RGS9: variants seen among roughly 807,000 people sequenced by gnomAD.
RGS9 encodes regulator of G-protein signalling 9.
Under a neutral mutation model 102.0 loss-of-function variants are expected in RGS9, and 78 were observed. The observed-to-expected ratio is 0.76, with a 90% CI of 0.64 to 0.92. RGS9 has a LOEUF of 0.92. Ranked by LOEUF, RGS9 falls within the 40% of genes least tolerant of loss-of-function variation. The pLI is 0.00. For missense variants in RGS9, 833 were observed against 866.1 expected (o/e 0.96, Z 0.48); for synonymous variants, 353 against 318.6 (o/e 1.11, Z -1.15).
Position 65,224,982 on chromosome 17 carries a change from T to G in RGS9, c.1408-20T>G, listed in dbSNP as rs759747088. On this transcript the variant is annotated intron_variant, in intron 17 of 18. Transcript: ENST00000262406. ...GGCCATGCAACTCACCACTGAGCTCTCTCCTTTCCTTCTCTACAGCCGGGC... is the reference window on the plus strand; with the variant it reads ...GGCCATGCAACTCACCACTGAGCTCGCTCCTTTCCTTCTCTACAGCCGGGC... 3 of 1,612,912 alleles carry G rather than the reference T, an allele frequency of 1.9e-6. No individual in the cohort carries two copies. In the Admixed American group the frequency reaches 5.0e-5, roughly 27 times the overall value.
At chr17:65,204,049 C>T (rs955071711) in intron 14 of RGS9, 114 bp from the exon 15 acceptor site, 7 of 1,274,626 alleles carry the variant, frequency 5.5e-6, no homozygotes, top group African/African-American at 1.5e-5. Context: ...AAAAAACCAC[C>T]ACCCTCACCC....
chr17:65,157,433 G>A (rs538118552), intron 2 of RGS9, among the ~76,000 whole-genome samples: 1 of 152,070 alleles, frequency 6.6e-6, no homozygotes, highest in Admixed American at 6.5e-5. Flanking sequence ...CTCTGGGCTT[G>A]TTGGTGGAAC....
At chr17:65,155,954 C>A (rs1203450351) in intron 2 of RGS9, among the ~76,000 whole-genome samples, 1 of 152,184 alleles carries the variant, frequency 6.6e-6, no homozygotes, top group Admixed American at 6.5e-5. Context: ...TGTCCTTAAG[C>A]TCATTTCATG....
intron 11 of RGS9, among the ~76,000 whole-genome samples, chr17:65,191,414 C>T (rs892136662): frequency 6.6e-6 from 1 of 151,668 alleles, no homozygotes; most frequent in Non-Finnish European, 1.5e-5. Context: ...AGCTTCTCCA[C>T]TGGTAAATGT....
At chr17:65,212,087 A>C (rs915330398) in intron 17 of RGS9, among the ~76,000 whole-genome samples, 1 of 152,230 alleles carries the variant, frequency 6.6e-6, no homozygotes, top group African/African-American at 2.4e-5. Context: ...TCCCATGCTG[A>C]AGACTGAATT....
At chr17:65,203,493 A>G (rs1912933193) in intron 14 of RGS9, among the ~76,000 whole-genome samples, 1 of 152,196 alleles carries the variant, frequency 6.6e-6, no homozygotes, top group South Asian at 2.1e-4. Flanking sequence ...TTCAATTCCA[A>G]AATTTTAATG....
At position 65,225,170 on chromosome 17, in the gene RGS9, A is replaced by G. The variant is rs1229842214; in HGVS notation, c.1576A>G (p.Ile526Val). The G allele has an allele frequency of 6.2e-7, 1 of 1,613,446 alleles. No homozygotes were observed. The highest frequency in any genetic ancestry group is 8.5e-7 in the Non-Finnish European group (1 of 1,179,966). Residue 526 changes from isoleucine (I) to valine (V), a missense_variant, in exon 18 of 19, where the codon ATC (isoleucine) becomes GTC (valine). Physicochemically the swap from Ile to Val is conservative, Grantham distance 29. Transcript: ENST00000262406. ...CAGCACCACCATCTGCCCCTCACCC[A>G]TCAGAGTGGCCTTGGAGAGCTCATC... ...RPSTTICPSP[I>V]RVALESSSGL...
Position 65,227,687 on chromosome 17 carries a change from C to G in RGS9, c.*280C>G. The G allele has an allele frequency of 2.1e-6, 1 of 468,328 alleles. No homozygotes were observed. Among genetic ancestry groups the G allele is most frequent in the African/African-American group, 2.0e-5 (1 of 50,984 alleles). 29.0% of individuals were successfully genotyped at this position (468,328 alleles called of 1,614,324 possible). A position where few individuals can be genotyped will look rare whatever the true frequency, so the allele number is the denominator to read the frequency against. ...TGCCTTAAAACCAATAAAAGGTTAA[C>G]TTTAAGTTTCTTGGAATGTTAGTGT... On this transcript the variant is annotated 3_prime_UTR_variant, in exon 19 of 19. Transcript: ENST00000262406.
At chr17:65,225,560 T>C (rs1905626875) in intron 18 of RGS9, 74 bp downstream of exon 18, 5 of 1,592,888 alleles carry the variant, frequency 3.1e-6, no homozygotes, top group Non-Finnish European at 4.3e-6. Flanking sequence ...TGAATATGCA[T>C]GCTTTGGGCT....
At chr17:65,142,907 C>CT (rs1480789534) in intron 1 of RGS9, among the ~76,000 whole-genome samples, 20 of 151,142 alleles carry the variant, frequency 1.3e-4, no homozygotes, top group Middle Eastern at 3.4e-3. Context: ...TTCTTTCTTT[C>CT]TTTTTTTTTC....
chr17:65,148,001 CAGCAGATGTCT>C (rs1199852777), intron 1 of RGS9, among the ~76,000 whole-genome samples: 2 of 152,170 alleles, frequency 1.3e-5, no homozygotes, highest in Non-Finnish European at 2.9e-5. Context: ...CAATGTTGTA[CAGCAGATGTCT>C]AGAATGTATT....
At chr17:65,178,112 G>A (rs1399933958) in intron 9 of RGS9, among the ~76,000 whole-genome samples, 1 of 152,150 alleles carries the variant, frequency 6.6e-6, no homozygotes, top group East Asian at 1.9e-4. Flanking sequence ...TCTGATGAAA[G>A]TTATGAGCTC....
chr17:65,180,040 A>G (rs1010747857), intron 9 of RGS9: 1 of 152,180 alleles, frequency 6.6e-6, no homozygotes, highest in Admixed American at 6.6e-5. Flanking sequence ...GCTGTGGAAT[A>G]AAGTATTAAG....
intron 13 of RGS9, among the ~76,000 whole-genome samples, chr17:65,201,272 C>G (rs1912829855): frequency 6.6e-6 from 1 of 152,170 alleles, no homozygotes; most frequent in Non-Finnish European, 1.5e-5. Context: ...TTTGGGGGAA[C>G]CTGGCTTTTC....
intron 7 of RGS9, among the ~76,000 whole-genome samples, chr17:65,166,694 C>G (rs556747740): frequency 6.6e-6 from 1 of 152,180 alleles, no homozygotes; most frequent in Non-Finnish European, 1.5e-5. Context: ...GGAAAGGACC[C>G]GTGGGGTAAA....
intron 8 of RGS9, among the ~76,000 whole-genome samples, chr17:65,172,928 T>C (rs528170961): frequency 6.7e-6 from 1 of 150,048 alleles, no homozygotes; most frequent in Non-Finnish European, 1.5e-5. Context: ...CTTTCTTTCT[T>C]TCTTTTTTTT....
intron 11 of RGS9, among the ~76,000 whole-genome samples, chr17:65,191,408 T>C (rs1284145942): frequency 6.6e-6 from 1 of 151,938 alleles, no homozygotes; most frequent in Non-Finnish European, 1.5e-5. Flanking sequence ...ACCTCCAGCT[T>C]CTCCACTGGT....
intron 7 of RGS9, among the ~76,000 whole-genome samples, chr17:65,165,256 G>A (rs1394761792): frequency 6.6e-6 from 1 of 152,146 alleles, no homozygotes; most frequent in Non-Finnish European, 1.5e-5. Flanking sequence ...CCACCACCAA[G>A]GCCTTGGACT....
At chr17:65,144,504 C>T (rs963424048) in intron 1 of RGS9, among the ~76,000 whole-genome samples, 3 of 152,234 alleles carry the variant, frequency 2.0e-5, no homozygotes, top group East Asian at 1.9e-4. Flanking sequence ...CTCCCCGACA[C>T]GGGGTCAGAC....
Sources: allele counts gnomAD v4.1 joint callset (sites outside exome capture counted in the v4.1 genomes callset), GRCh38; gene constraint gnomAD v4.1.1; transcripts MANE v1.5; gene names NCBI Gene and HGNC (gene_info 2026-07-23, HGNC 2026-07-21).